Variants in MAP4 observed in about 807,000 individuals in gnomAD.
MAP4 encodes the protein microtubule associated protein 4, also known as microtubule-associated protein 4.
MAP4 carries 76 observed loss-of-function variants against 170.2 expected under a neutral mutation model. That is an observed-to-expected ratio of 0.45 (90% confidence interval 0.37 to 0.54). The LOEUF (loss-of-function observed/expected upper bound fraction) is 0.54, where lower values mean the gene tolerates loss of function less well. MAP4 is among the 20% of genes least tolerant of loss of function. The probability of loss-of-function intolerance (pLI) is 0.00; values close to 1 mark genes in which losing one functional copy is unlikely to be tolerated. For synonymous variants in MAP4, 909 were observed against 994.5 expected, an observed-to-expected ratio of 0.91 and a Z score of 1.62; for missense variants, 2,506 against 2,748.0, an observed-to-expected ratio of 0.91 and a Z score of 1.97.
At chr3:47,945,951 T>C (rs373955953) in intron 3 of MAP4, among the ~76,000 whole-genome samples, 9 of 151,956 alleles carry the variant, frequency 5.9e-5, no homozygotes, top group African/African-American at 2.2e-4. Flanking sequence ...TTTATTTTTT[T>C]TGAGATGGAG....
intron 1 of MAP4, among the ~76,000 whole-genome samples, chr3:48,067,258 T>G (rs544773802): frequency 4.1e-4 from 62 of 152,066 alleles, no homozygotes; most frequent in Non-Finnish European, 7.9e-4. Context: ...CTGAACACTC[T>G]CATTTTACAG....
intron 2 of MAP4, chr3:47,987,547 T>G: frequency 1.6e-6 from 1 of 635,516 alleles, no homozygotes; most frequent in Non-Finnish European, 2.6e-6. Flanking sequence ...AACATCAACC[T>G]CCAGCCCAGA....
At chr3:47,860,891 C>G (rs1325341639) in intron 17 of MAP4, among the ~76,000 whole-genome samples, 1 of 152,072 alleles carries the variant, frequency 6.6e-6, no homozygotes, top group Admixed American at 6.6e-5. Context: ...GATTCTAGGA[C>G]AAACCACTGA....
At chr3:48,071,161 T>C (rs1216898280) in intron 1 of MAP4, among the ~76,000 whole-genome samples, 1 of 152,202 alleles carries the variant, frequency 6.6e-6, no homozygotes, top group Non-Finnish European at 1.5e-5. Context: ...TACTGCCCTT[T>C]AACTGCAAAT....
At chr3:47,970,346 A>ACG (rs2100077854) in intron 3 of MAP4, among the ~76,000 whole-genome samples, 1 of 151,710 alleles carries the variant, frequency 6.6e-6, no homozygotes, top group Admixed American at 6.6e-5. Flanking sequence ...TTAGCCAGGT[A>ACG]TGGTGGCGTG....
rs1054649935 is a variant in MAP4 at position 47,951,073 on chromosome 3, A to G, written c.293-22723T>C. Reference sequence around the variant, plus strand: ...TTGTAACTAGATTAGCTATTTTACAATTAAGACAACTTTATAAACTGCTTT... The same window carrying G: ...TTGTAACTAGATTAGCTATTTTACAGTTAAGACAACTTTATAAACTGCTTT... On this transcript the variant is annotated intron_variant, in intron 3 of 20. Coordinates refer to ENST00000683076, the MANE Select transcript of MAP4 (RefSeq NM_001385682.1). Among the ~76,000 whole-genome samples the G allele has an allele frequency of 3.3e-5, 5 of 152,208 alleles. No homozygotes were observed. In the East Asian group the frequency reaches 9.6e-4, roughly 29 times the overall value.
intron 3 of MAP4, among the ~76,000 whole-genome samples, chr3:47,970,674 G>C (rs951433425): frequency 1.3e-5 from 2 of 151,978 alleles, no homozygotes; most frequent in African/African-American, 4.8e-5. Context: ...AGCTGGGCAT[G>C]GTGGCGGGCA....
At chr3:48,009,840 G>T (rs1290145528) in intron 1 of MAP4, among the ~76,000 whole-genome samples, 2 of 152,116 alleles carry the variant, frequency 1.3e-5, no homozygotes, top group African/African-American at 4.8e-5. Context: ...CTTAATTCCA[G>T]AGGGAAGAAT....
intron 3 of MAP4, among the ~76,000 whole-genome samples, chr3:47,940,622 C>T (rs951527317): frequency 1.3e-5 from 2 of 152,176 alleles, no homozygotes; most frequent in Admixed American, 1.3e-4. Context: ...TATGGCTAAA[C>T]ACTTAAAGTA....
intron 1 of MAP4, among the ~76,000 whole-genome samples, chr3:48,054,988 G>A (rs1234413380): frequency 1.3e-5 from 2 of 152,136 alleles, no homozygotes; most frequent in Non-Finnish European, 1.5e-5. Flanking sequence ...CAAGTGGGGA[G>A]CCTAGATTTC....
At chr3:47,920,296 G>A (rs950399689) in intron 5 of MAP4, among the ~76,000 whole-genome samples, 14 of 150,228 alleles carry the variant, frequency 9.3e-5, no homozygotes, top group Admixed American at 3.3e-4. Flanking sequence ...TAGTAGAGAT[G>A]GGGTTTCACC....
chr3:48,000,047 T>A (rs951000495), intron 1 of MAP4, among the ~76,000 whole-genome samples: 6 of 151,442 alleles, frequency 4.0e-5, no homozygotes, highest in Admixed American at 1.3e-4. Flanking sequence ...AAACCCCATC[T>A]CTACTAAAAA....
intron 1 of MAP4, among the ~76,000 whole-genome samples, chr3:48,065,441 G>C (rs1361613816): frequency 1.3e-5 from 2 of 152,156 alleles, no homozygotes; most frequent in Non-Finnish European, 2.9e-5. Context: ...CTAATCCAAA[G>C]CTTTCAATTC....
At chr3:47,983,362 G>A (rs868493434) in intron 2 of MAP4, among the ~76,000 whole-genome samples, 13 of 151,820 alleles carry the variant, frequency 8.6e-5, no homozygotes, top group South Asian at 2.1e-4. Flanking sequence ...GGTGTGCACC[G>A]CCACAGTTGG....
chr3:48,020,617 T>C (rs529640087), upstream of MAP4, among the ~76,000 whole-genome samples: 72 of 152,112 alleles, frequency 4.7e-4, no homozygotes, highest in African/African-American at 1.6e-3. Context: ...TAAATGAAAA[T>C]TGAACAGCAA....
intron 3 of MAP4, among the ~76,000 whole-genome samples, chr3:47,970,338 A>T (rs923207281): frequency 6.6e-6 from 1 of 151,542 alleles, no homozygotes. Flanking sequence ...ATACAAAATT[A>T]GCCAGGTATG....
intron 6 of MAP4, among the ~76,000 whole-genome samples, chr3:47,917,812 T>A (rs903827491): frequency 1.3e-5 from 2 of 152,096 alleles, no homozygotes; most frequent in African/African-American, 2.4e-5. Flanking sequence ...ATGCTTCCTA[T>A]CAAGAAAAAC....
chr3:47,998,590 C>T, intron 2 of MAP4, 48 bp downstream of exon 2: 1 of 1,467,910 alleles, frequency 6.8e-7, no homozygotes, highest in South Asian at 1.2e-5. Flanking sequence ...GGCATAATCC[C>T]TAACCTGCTT....
At chr3:48,077,407 T>C (rs1470494205) in intron 1 of MAP4, among the ~76,000 whole-genome samples, 5 of 149,868 alleles carry the variant, frequency 3.3e-5, no homozygotes, top group East Asian at 2.0e-4. Context: ...GATCGTGCCA[T>C]TGCACTCCAG....
Sources: allele counts gnomAD v4.1 joint callset (sites outside exome capture counted in the v4.1 genomes callset), GRCh38; gene constraint gnomAD v4.1.1; transcripts MANE v1.5; gene names NCBI Gene and HGNC (gene_info 2026-07-23, HGNC 2026-07-21).